Variants in GPC5 observed in about 807,000 individuals in gnomAD.
GPC5 encodes glypican 5.
In GPC5, 47 loss-of-function variants were observed where a neutral mutation model predicts 53.9. That is an observed-to-expected ratio of 0.87 (90% CI 0.69 to 1.11). GPC5 has a LOEUF of 1.11. Among genes scored for constraint, GPC5 ranks in the 50% most tolerant of loss-of-function variants. The pLI is 0.00. For missense variants in GPC5, 748 were observed against 713.1 expected (o/e 1.05, Z -0.56); for synonymous variants, 286 against 263.3 (o/e 1.09, Z -0.84).
At chr13:92,073,209 C>A (rs1431168058) in intron 6 of GPC5, among the ~76,000 whole-genome samples, 1 of 152,028 alleles carries the variant, frequency 6.6e-6, no homozygotes, top group Admixed American at 6.6e-5. Flanking sequence ...TTTTTGAATT[C>A]TGAATATTTT....
chr13:91,710,233 T>C (rs1288974153), intron 3 of GPC5, among the ~76,000 whole-genome samples: 1 of 152,214 alleles, frequency 6.6e-6, no homozygotes, highest in East Asian at 1.9e-4. Flanking sequence ...AGCAGAAACT[T>C]CTTGATTTAA....
intron 6 of GPC5, among the ~76,000 whole-genome samples, chr13:91,945,481 T>G (rs2139051276): frequency 6.6e-6 from 1 of 152,316 alleles, no homozygotes; most frequent in South Asian, 2.1e-4. Context: ...TAGCAACAGG[T>G]TTCTGGTGAT....
chr13:92,411,808 T>C (rs1876054361), intron 7 of GPC5, among the ~76,000 whole-genome samples: 2 of 152,216 alleles, frequency 1.3e-5, no homozygotes, highest in African/African-American at 2.4e-5. Flanking sequence ...GCGTCAAATG[T>C]AGGTATCAAA....
intron 5 of GPC5, among the ~76,000 whole-genome samples, chr13:91,815,402 A>G (rs1594588818): frequency 6.6e-6 from 1 of 152,110 alleles, no homozygotes; most frequent in Admixed American, 6.6e-5. Context: ...CTCTTGGTGG[A>G]TAAGTGAGGC....
At chr13:92,111,564 T>C (rs1331036264) in intron 6 of GPC5, among the ~76,000 whole-genome samples, 1 of 142,416 alleles carries the variant, frequency 7.0e-6, no homozygotes, top group East Asian at 2.0e-4. Flanking sequence ...TTGATAGACT[T>C]ATTTTGCCCT....
intron 7 of GPC5, among the ~76,000 whole-genome samples, chr13:92,455,504 G>A (rs767694242): frequency 1.1e-4 from 17 of 151,928 alleles, no homozygotes; most frequent in East Asian, 1.9e-4. Flanking sequence ...TGGTGTAAGC[G>A]ATATCCATGT....
chr13:92,457,889 G>T (rs1227658029), intron 7 of GPC5, among the ~76,000 whole-genome samples: 1 of 152,088 alleles, frequency 6.6e-6, no homozygotes, highest in South Asian at 2.1e-4. Flanking sequence ...AGTGTTGCCT[G>T]TCCTTACACT....
chr13:91,979,294 G>A (rs572382828), intron 6 of GPC5, among the ~76,000 whole-genome samples: 18 of 152,178 alleles, frequency 1.2e-4, no homozygotes, highest in African/African-American at 4.3e-4. Flanking sequence ...GTGTCCCAGA[G>A]GAAGCAGTAG....
At chr13:92,471,216 A>G (rs779837785) in intron 7 of GPC5, among the ~76,000 whole-genome samples, 1 of 152,146 alleles carries the variant, frequency 6.6e-6, no homozygotes, top group Non-Finnish European at 1.5e-5. Context: ...CTCAATGATT[A>G]GTTTGTCTGT....
intron 6 of GPC5, among the ~76,000 whole-genome samples, chr13:91,985,710 TACTTA>T (rs943983736): frequency 2.6e-5 from 4 of 152,198 alleles, no homozygotes; most frequent in Admixed American, 6.5e-5. Context: ...AACTTTCTAC[TACTTA>T]ACTTTACTTT....
chr13:92,583,488 A>T (rs2139056356), intron 7 of GPC5, among the ~76,000 whole-genome samples: 1 of 152,340 alleles, frequency 6.6e-6, no homozygotes, highest in South Asian at 2.1e-4. Context: ...AGTGAAGAAC[A>T]GCATATAGGA....
intron 5 of GPC5, among the ~76,000 whole-genome samples, chr13:91,818,435 T>C (rs552230105): frequency 1.3e-5 from 2 of 152,364 alleles, no homozygotes; most frequent in Admixed American, 1.3e-4. Flanking sequence ...AAAGACCCTA[T>C]ATTACATAAA....
chr13:92,757,811 T>A (rs979908734), intron 7 of GPC5, among the ~76,000 whole-genome samples: 91 of 152,106 alleles, frequency 6.0e-4, no homozygotes, highest in Non-Finnish European at 9.3e-4. Flanking sequence ...AGAATGGCAA[T>A]CATTATAAAG....
intron 7 of GPC5, among the ~76,000 whole-genome samples, chr13:92,274,752 G>A (rs534520696): frequency 6.6e-6 from 1 of 152,214 alleles, no homozygotes; most frequent in Middle Eastern, 3.4e-3. Flanking sequence ...TATGGGCTGA[G>A]GAGACGACAA....
chr13:91,866,926 G>A (rs1434711766), intron 5 of GPC5, among the ~76,000 whole-genome samples: 2 of 152,182 alleles, frequency 1.3e-5, no homozygotes, highest in African/African-American at 4.8e-5. Flanking sequence ...TATCATCATT[G>A]GCTGGATGTG....
chr13:92,173,920 C>T (rs537000322), intron 7 of GPC5, among the ~76,000 whole-genome samples: 8 of 152,138 alleles, frequency 5.3e-5, no homozygotes, highest in Admixed American at 2.0e-4. Context: ...GCCTGGCCAA[C>T]GTGGTGAAAC....
At chr13:91,693,105 A>G in intron 2 of GPC5, 82 bp from the exon 3 acceptor site, 1 of 974,052 alleles carries the variant, frequency 1.0e-6, no homozygotes, top group Non-Finnish European at 1.5e-6. Flanking sequence ...AGTTTTGATG[A>G]GTCATTTAAT....
intron 7 of GPC5, among the ~76,000 whole-genome samples, chr13:92,376,931 G>T (rs562370272): frequency 2.6e-5 from 4 of 152,088 alleles, no homozygotes; most frequent in Admixed American, 1.3e-4. Flanking sequence ...CAGGAGAGTT[G>T]CTTGAACCCA....
At chr13:91,904,274 C>G (rs891253176) in intron 5 of GPC5, among the ~76,000 whole-genome samples, 1 of 151,004 alleles carries the variant, frequency 6.6e-6, no homozygotes, top group African/African-American at 2.4e-5. Context: ...TCCTGGGCTC[C>G]CATGATCCCC....
Sources: gnomAD v4.1 joint callset for allele counts (sites outside exome capture counted in the v4.1 genomes callset) on GRCh38, gnomAD v4.1.1 for gene constraint, MANE v1.5 for transcripts, NCBI Gene and HGNC (gene_info 2026-07-23, HGNC 2026-07-21) for gene names.